The following COL24A1 variants were observed in gnomAD, a reference collection of about 807,000 sequenced individuals.
COL24A1 encodes collagen alpha-1(XXIV) chain.
In COL24A1, 224 loss-of-function variants were observed where a neutral mutation model predicts 253.9. That is an observed-to-expected ratio of 0.88 (90% CI 0.79 to 0.99). COL24A1 has a LOEUF of 0.99. Ranked by LOEUF, COL24A1 falls within the 50% of genes least tolerant of loss-of-function variation. COL24A1 has a pLI of 0.00. For missense variants in COL24A1, 2,131 were observed against 2,068.5 expected (o/e 1.03, Z -0.59); for synonymous variants, 685 against 673.7 (o/e 1.02, Z -0.26).
intron 5 of COL24A1, among the ~76,000 whole-genome samples, chr1:86,104,264 G>T (rs567125030): frequency 1.3e-5 from 2 of 152,092 alleles, no homozygotes; most frequent in African/African-American, 4.8e-5. Flanking sequence ...TATTTTGCCT[G>T]TCAGCTCCTG....
chr1:85,761,340 A>G (rs1341491291), intron 55 of COL24A1, 56 bp downstream of exon 55: 22 of 1,586,574 alleles, frequency 1.4e-5, no homozygotes, highest in Admixed American at 1.7e-5. Flanking sequence ...GATATTTAAA[A>G]AGTTAATATG....
At chr1:86,056,557 T>C (rs1700675039) in intron 10 of COL24A1, among the ~76,000 whole-genome samples, 1 of 152,136 alleles carries the variant, frequency 6.6e-6, no homozygotes, top group African/African-American at 2.4e-5. Context: ...CTTTACTTCT[T>C]TTTAAAAGGC....
At position 86,156,370 on chromosome 1, in the gene COL24A1, C is replaced by A. The variant is rs776721678; in HGVS notation, c.27G>T (p.Arg9Ser). The change falls in exon 1 of 60, where the codon AGG becomes AGT. Residue 9 changes from arginine (R) to serine (S), a missense_variant. Physicochemically the swap from Arg to Ser is moderately radical, Grantham distance 110. Coordinates refer to ENST00000370571, the MANE Select transcript of COL24A1 (RefSeq NM_152890.7). Reference protein sequence around the residue: MHLRAHRTRRGKVSPTAKT... With the variant: MHLRAHRTSRGKVSPTAKT... ...TTGCCGTGGGGGAGACTTTTCCACGCCTTGTTCTGTGGGCTCTTAAATGCA... is the reference window on the plus strand; with the variant it reads ...TTGCCGTGGGGGAGACTTTTCCACGACTTGTTCTGTGGGCTCTTAAATGCA... 6.2e-6 allele frequency: 10 copies of A among 1,612,978 alleles called. No individual in the cohort carries two copies. The highest frequency in any genetic ancestry group is 8.5e-6 in the Non-Finnish European group (10 of 1,179,558).
rs370196066 is a variant in COL24A1 at position 85,927,235 on chromosome 1, G to C, written c.2563-15802C>G. On this transcript the variant is annotated intron_variant, in intron 24 of 59. Transcript: ENST00000370571. Reference sequence around the variant, plus strand: ...GCCAGTGTGTGTGCGCACCGTGCGCGAGCCGAAGCAGGGCAAGGCATTGCC... The same window carrying C: ...GCCAGTGTGTGTGCGCACCGTGCGCCAGCCGAAGCAGGGCAAGGCATTGCC... Among the ~76,000 whole-genome samples the C allele has an allele frequency of 5.9e-5, 9 of 152,292 alleles. No homozygotes were observed. The East Asian group carries it at 1.2e-3, about 20-fold the overall frequency.
chr1:85,961,399 G>T (rs1032022853), intron 23 of COL24A1, 106 bp from the exon 24 acceptor site: 2 of 874,688 alleles, frequency 2.3e-6, no homozygotes, highest in Non-Finnish European at 3.6e-6. Flanking sequence ...TCATAACCTA[G>T]AAAAAGGCAA....
At chr1:86,091,435 A>T (rs978637736) in intron 6 of COL24A1, among the ~76,000 whole-genome samples, 3 of 152,056 alleles carry the variant, frequency 2.0e-5, no homozygotes, top group Non-Finnish European at 4.4e-5. Flanking sequence ...AGCCAATAAG[A>T]TCAGATCGAT....
intron 32 of COL24A1, among the ~76,000 whole-genome samples, chr1:85,880,372 T>C (rs1681688225): frequency 6.6e-6 from 1 of 152,234 alleles, no homozygotes; most frequent in Non-Finnish European, 1.5e-5. Flanking sequence ...TACCCTGTTA[T>C]GCTACAATCT....
chr1:86,072,461 G>T (rs1201710657), intron 7 of COL24A1, among the ~76,000 whole-genome samples: 1 of 152,134 alleles, frequency 6.6e-6, no homozygotes, highest in Non-Finnish European at 1.5e-5. Context: ...TCTGCGCAGG[G>T]CATCTCTGAA....
intron 43 of COL24A1, among the ~76,000 whole-genome samples, chr1:85,833,419 C>G (rs11161684): frequency 6.6e-6 from 1 of 151,760 alleles, no homozygotes; most frequent in Non-Finnish European, 1.5e-5. Flanking sequence ...CAATGAGATA[C>G]CATCTCACAC....
chr1:85,879,892 C>G (rs1195475289), intron 32 of COL24A1, among the ~76,000 whole-genome samples: 1 of 152,124 alleles, frequency 6.6e-6, no homozygotes, highest in Non-Finnish European at 1.5e-5. Flanking sequence ...GTCAATCGTA[C>G]TTGTCTATTC....
intron 50 of COL24A1, among the ~76,000 whole-genome samples, 173 bp from the exon 51 acceptor site, chr1:85,783,731 C>T (rs752152927): frequency 7.9e-5 from 12 of 152,092 alleles, no homozygotes; most frequent in Non-Finnish European, 1.6e-4. Context: ...CTTAGAAATA[C>T]ACCAATGAAG....
rs201909820 is a variant in COL24A1, at chr1:85,928,723, T to G, written c.2563-17290A>C. On this transcript the variant is annotated intron_variant, in intron 24 of 59. Transcript: ENST00000370571. ...CACAAAGGGAAGCCCATCAGACTAATAGCGGATCTCTTGGCAGAAACTCTA... is the reference window on the plus strand; with the variant it reads ...CACAAAGGGAAGCCCATCAGACTAAGAGCGGATCTCTTGGCAGAAACTCTA... Among the ~76,000 whole-genome samples the G allele has an allele frequency of 8.0e-3, 506 of 62,960 alleles. 197 individuals are homozygous for G. Among genetic ancestry groups the G allele is most frequent in the Non-Finnish European group, 0.012 (370 of 31,626 alleles). 41.3% of individuals were successfully genotyped at this position (62,960 alleles called of 152,430 possible).
At chr1:85,957,220 G>C (rs1268116041) in intron 24 of COL24A1, among the ~76,000 whole-genome samples, 7 of 152,134 alleles carry the variant, frequency 4.6e-5, no homozygotes, top group African/African-American at 1.7e-4. Context: ...GGGAGAGCAT[G>C]AGGACAAATA....
chr1:86,101,160 T>A (rs1174737660), intron 5 of COL24A1, among the ~76,000 whole-genome samples: 2 of 152,094 alleles, frequency 1.3e-5, no homozygotes, highest in Non-Finnish European at 2.9e-5. Flanking sequence ...CAGAACTGAA[T>A]TGAATTGTTG....
chr1:86,140,612 G>A (rs1056898498), intron 2 of COL24A1, among the ~76,000 whole-genome samples: 3 of 152,140 alleles, frequency 2.0e-5, no homozygotes, highest in Admixed American at 6.5e-5. Context: ...TTTTACACAC[G>A]TGGTTTTCAC....
rs112460900 is a variant in COL24A1, at chr1:85,943,929, T to A, written c.2562+17320A>T. ...AAAGTTCTAATTCATTTTACGCATT[T>A]TTTTGCAAATTTGACTCCATGAAAG... On this transcript the variant is annotated intron_variant, in intron 24 of 59. Coordinates refer to ENST00000370571, the MANE Select transcript of COL24A1 (RefSeq NM_152890.7). 2.3e-3 allele frequency among the ~76,000 whole-genome samples: 356 copies of A among 152,372 alleles called. 5 individuals carry two copies. Among genetic ancestry groups the A allele is most frequent in the African/African-American group, 8.2e-3 (340 of 41,586 alleles).
chr1:85,781,178 GA>G (rs748062765), intron 52 of COL24A1, 41 bp downstream of exon 52: 26 of 1,398,918 alleles, frequency 1.9e-5, no homozygotes, highest in South Asian at 3.9e-5. Context: ...TAGAATTAAA[GA>G]AAAAAAAGAG....
intron 50 of COL24A1, 143 bp from the exon 51 acceptor site, chr1:85,783,701 G>T: frequency 1.4e-6 from 1 of 709,140 alleles, no homozygotes. Flanking sequence ...AGAAGGAAGT[G>T]TACTGAGGCC....
chr1:86,146,977 G>C (rs920967891), intron 1 of COL24A1, among the ~76,000 whole-genome samples: 1 of 152,116 alleles, frequency 6.6e-6, no homozygotes, highest in Admixed American at 6.6e-5. Flanking sequence ...ATTTTGAAGA[G>C]AGATGATAAG....
Sources: allele counts gnomAD v4.1 joint callset (sites outside exome capture counted in the v4.1 genomes callset), GRCh38; gene constraint gnomAD v4.1.1; transcripts MANE v1.5; gene names NCBI Gene and HGNC (gene_info 2026-07-23, HGNC 2026-07-21).